Variants in DIAPH3 observed in about 807,000 individuals in gnomAD.
The protein encoded by DIAPH3 is diaphanous related formin 3, also known as protein diaphanous homolog 3.
In DIAPH3, 117 loss-of-function variants were observed where a neutral mutation model predicts 144.3. That is an observed-to-expected ratio of 0.81 (90% CI 0.70 to 0.95). The LOEUF is 0.95. Ranked by LOEUF, DIAPH3 falls within the 40% of genes least tolerant of loss-of-function variation. The pLI, the probability that DIAPH3 is intolerant of heterozygous loss-of-function variation, is 0.00. For missense variants in DIAPH3, 1,421 were observed against 1,412.7 expected, an observed-to-expected ratio of 1.01 and a Z score of -0.09; for synonymous variants, 519 against 488.9, an observed-to-expected ratio of 1.06 and a Z score of -0.81.
chr13:60,093,500 T>C (rs2058016661), intron 4 of DIAPH3, 128 bp downstream of exon 4: 1 of 664,510 alleles, frequency 1.5e-6, no homozygotes, highest in Non-Finnish European at 2.7e-6. Context: ...ACTTGTGCCC[T>C]TAATTATACA....
intron 17 of DIAPH3, among the ~76,000 whole-genome samples, chr13:59,938,695 T>C (rs2048374762): frequency 6.6e-6 from 1 of 152,142 alleles, no homozygotes; most frequent in South Asian, 2.1e-4. Flanking sequence ...AAATGTTCCA[T>C]ATACACTTCC....
chr13:59,814,364 T>G (rs2040654946), intron 24 of DIAPH3, among the ~76,000 whole-genome samples: 1 of 152,218 alleles, frequency 6.6e-6, no homozygotes. Flanking sequence ...CTATTGATTT[T>G]CATTTAAAAG....
rs564474219 is a variant in DIAPH3, at chr13:59,774,130, A to G, written c.3319+59T>C. Reference sequence around the variant, plus strand: ...TTTCACAGCAGTCTACTAAAATCACAGATCAATAGGATAAAAGTAGATAAG... The same window carrying G: ...TTTCACAGCAGTCTACTAAAATCACGGATCAATAGGATAAAAGTAGATAAG... On this transcript the variant is annotated intron_variant, in intron 27 of 27. Coordinates refer to ENST00000400324, the MANE Select transcript of DIAPH3 (RefSeq NM_001042517.2). 4 of 1,521,514 alleles carry G rather than the reference A, an allele frequency of 2.6e-6. No homozygotes were observed. In the East Asian group the frequency reaches 9.0e-5, roughly 34 times the overall value. The allele number at this position is 1,521,514 out of a possible 1,614,324, so 94.3% of individuals were successfully genotyped here. A position where few individuals can be genotyped will look rare whatever the true frequency, so the allele number is the denominator to read the frequency against.
intron 27 of DIAPH3, among the ~76,000 whole-genome samples, chr13:59,677,632 A>C (rs1171885026): frequency 2.0e-5 from 3 of 152,108 alleles, no homozygotes; most frequent in African/African-American, 7.2e-5. Flanking sequence ...ACACCTGGCT[A>C]TTGTCTACTG....
chr13:60,121,339 C>T (rs922240080), intron 2 of DIAPH3, among the ~76,000 whole-genome samples: 3 of 151,910 alleles, frequency 2.0e-5, no homozygotes, highest in South Asian at 2.1e-4. Context: ...CGAATTCCAC[C>T]AAGACCCCTT....
At chr13:59,876,997 C>G (rs1773331984) in intron 21 of DIAPH3, among the ~76,000 whole-genome samples, 1 of 152,104 alleles carries the variant, frequency 6.6e-6, no homozygotes, top group South Asian at 2.1e-4. Context: ...AATTTGTGTA[C>G]TTCCCTACAT....
At chr13:60,129,873 T>C (rs144902794) in intron 2 of DIAPH3, among the ~76,000 whole-genome samples, 5 of 152,312 alleles carry the variant, frequency 3.3e-5, no homozygotes, top group African/African-American at 7.2e-5. Context: ...CAACTCTGCA[T>C]TGATCTATAA....
At chr13:60,044,430 G>GA (rs2055915921) in intron 4 of DIAPH3, 1 of 152,060 alleles carries the variant, frequency 6.6e-6, no homozygotes, top group Non-Finnish European at 1.5e-5. Context: ...TACAATCTCC[G>GA]AAAATAAAAG....
intron 22 of DIAPH3, among the ~76,000 whole-genome samples, chr13:59,856,584 A>G (rs932711170): frequency 6.6e-6 from 1 of 152,082 alleles, no homozygotes; most frequent in Admixed American, 6.6e-5. Context: ...GTGACTCTAA[A>G]TTTCCTCTTC....
At chr13:59,718,014 T>C (rs2138881666) in intron 27 of DIAPH3, among the ~76,000 whole-genome samples, 1 of 152,316 alleles carries the variant, frequency 6.6e-6, no homozygotes, top group Middle Eastern at 3.4e-3. Context: ...AAATTAACAA[T>C]GACTGAGCTG....
At position 60,156,918 on chromosome 13, in the gene DIAPH3, C is replaced by CATAT. The variant is rs1233542016; in HGVS notation, c.180+6665_180+6668dup. The stretch of plus-strand genomic sequence containing the variant: ...TAGTGGCCCAGAGACCCAGATCCTT[C>CATAT]ATATATATATATATATATATATTTT... On this transcript the variant is annotated intron_variant, in intron 1 of 27. Coordinates refer to ENST00000400324, the MANE Select transcript of DIAPH3 (RefSeq NM_001042517.2). Among the ~76,000 whole-genome samples the CATAT allele has an allele frequency of 2.0e-3, 114 of 55,642 alleles. 3 individuals are homozygous for CATAT. The highest frequency in any genetic ancestry group is 3.6e-3 in the East Asian group (12 of 3,314). The allele number at this position is 55,642 out of a possible 152,430, so 36.5% of individuals were successfully genotyped here.
chr13:60,104,890 T>G (rs1015693864), intron 3 of DIAPH3, among the ~76,000 whole-genome samples: 2 of 151,888 alleles, frequency 1.3e-5, no homozygotes, highest in African/African-American at 4.8e-5. Context: ...GGTCAGGAGA[T>G]CGAGACCATC....
At chr13:60,133,062 C>A (rs2059183780) in intron 1 of DIAPH3, 73 bp from the exon 2 acceptor site, 3 of 986,940 alleles carry the variant, frequency 3.0e-6, no homozygotes, top group South Asian at 2.8e-5. Flanking sequence ...AGGGTACATT[C>A]AAAATTCTAC....
chr13:59,721,788 C>A lies in DIAPH3; in HGVS notation c.3319+52401G>T, dbSNP rs1257576857. Among the ~76,000 whole-genome samples the A allele has an allele frequency of 2.0e-5, 3 of 152,224 alleles. No homozygotes were observed. The East Asian group carries it at 5.8e-4, about 29-fold the overall frequency. ...GATCTGAGTTTGTCCCATTTGGCAC[C>A]AATCCAGCCATGACAGTAGGTAAAA... On this transcript the variant is annotated intron_variant, in intron 27 of 27. Transcript: ENST00000400324.
intron 21 of DIAPH3, among the ~76,000 whole-genome samples, chr13:59,867,296 TA>T (rs201223028): frequency 6.6e-6 from 1 of 150,520 alleles, no homozygotes. Flanking sequence ...ACCTGGCTCT[TA>T]AAAAAAACAA....
chr13:59,676,294 T>G, intron 27 of DIAPH3, among the ~76,000 whole-genome samples: 1 of 152,220 alleles, frequency 6.6e-6, no homozygotes, highest in East Asian at 1.9e-4. Flanking sequence ...TATTCTACCT[T>G]TGGTCAGCTC....
At chr13:59,716,278 C>T (rs1208988781) in intron 27 of DIAPH3, among the ~76,000 whole-genome samples, 2 of 152,172 alleles carry the variant, frequency 1.3e-5, no homozygotes, top group East Asian at 1.9e-4. Flanking sequence ...CGGGTTCACG[C>T]CATTCTCCTG....
At chr13:59,817,554 T>C (rs937693866) in intron 24 of DIAPH3, among the ~76,000 whole-genome samples, 2 of 151,932 alleles carry the variant, frequency 1.3e-5, no homozygotes, top group African/African-American at 4.8e-5. Context: ...TCTATATCCA[T>C]AGGGTAAAGG....
chr13:60,008,115 C>A (rs192913408), intron 9 of DIAPH3, among the ~76,000 whole-genome samples: 1 of 151,964 alleles, frequency 6.6e-6, no homozygotes, highest in Non-Finnish European at 1.5e-5. Flanking sequence ...AATGCTAGGC[C>A]GGACGCAGTG....
Sources: gnomAD v4.1 joint callset for allele counts (sites outside exome capture counted in the v4.1 genomes callset) on GRCh38, gnomAD v4.1.1 for gene constraint, MANE v1.5 for transcripts, NCBI Gene and HGNC (gene_info 2026-07-23, HGNC 2026-07-21) for gene names.